Variants in DLG2 observed in about 807,000 individuals in gnomAD.
DLG2 encodes disks large homolog 2.
In DLG2, 45 loss-of-function variants were observed where a neutral mutation model predicts 132.5. The ratio of observed to expected loss-of-function variants is 0.34; its 90% confidence interval spans 0.27 to 0.44. DLG2 has a LOEUF of 0.44. Among genes scored for constraint, DLG2 ranks in the 20% least tolerant of loss-of-function variants. The pLI, the probability that DLG2 is intolerant of heterozygous loss-of-function variation, is 1.00. For missense variants in DLG2, 1,045 were observed against 1,196.9 expected, an observed-to-expected ratio of 0.87 and a Z score of 1.87; for synonymous variants, 424 against 419.6, an observed-to-expected ratio of 1.01 and a Z score of -0.13.
At chr11:85,503,436 A>G (rs1275677114) in intron 3 of DLG2, among the ~76,000 whole-genome samples, 1 of 152,024 alleles carries the variant, frequency 6.6e-6, no homozygotes, top group Non-Finnish European at 1.5e-5. Context: ...CATATAACCT[A>G]TTCACAAAGT....
At chr11:83,743,594 C>A (rs957603327) in intron 18 of DLG2, among the ~76,000 whole-genome samples, 2 of 151,842 alleles carry the variant, frequency 1.3e-5, no homozygotes, top group Non-Finnish European at 2.9e-5. Context: ...CCAACACACC[C>A]AGCTAATTTT....
intron 6 of DLG2, among the ~76,000 whole-genome samples, chr11:85,105,881 TG>T (rs1216915496): frequency 1.3e-5 from 2 of 151,634 alleles, no homozygotes; most frequent in Non-Finnish European, 2.9e-5. Flanking sequence ...ATTTTATAAC[TG>T]GGTTAGATGC....
intron 4 of DLG2, among the ~76,000 whole-genome samples, chr11:85,187,478 A>G (rs2080197240): frequency 6.6e-6 from 1 of 152,176 alleles, no homozygotes; most frequent in Admixed American, 6.6e-5. Context: ...TATAATAGAC[A>G]TGATTAAAAA....
chr11:85,369,821 T>G (rs148449018), intron 3 of DLG2, among the ~76,000 whole-genome samples: 217 of 152,314 alleles, frequency 1.4e-3, no homozygotes, highest in African/African-American at 5.0e-3. Context: ...GTGATGTCTG[T>G]ACAAGGAGCT....
intron 6 of DLG2, among the ~76,000 whole-genome samples, chr11:84,559,801 C>T (rs2099420170): frequency 6.6e-6 from 1 of 151,978 alleles, no homozygotes; most frequent in Non-Finnish European, 1.5e-5. Context: ...TAAAAGGTTT[C>T]CTAAGTTAGT....
At chr11:85,114,826 TG>T (rs2073322848) in intron 5 of DLG2, among the ~76,000 whole-genome samples, 1 of 151,622 alleles carries the variant, frequency 6.6e-6, no homozygotes, top group South Asian at 2.1e-4. Context: ...TCCAAAAACA[TG>T]GGAATATTTT....
intron 3 of DLG2, among the ~76,000 whole-genome samples, chr11:85,386,266 G>A (rs7117010): frequency 0.11 from 16,946 of 152,056 alleles, 1,126 homozygotes; most frequent in African/African-American, 0.18. Context: ...AACTTACTTA[G>A]CCCTCAGAAT....
chr11:83,718,548 A>AG (rs1404960029), intron 18 of DLG2, among the ~76,000 whole-genome samples: 27 of 151,064 alleles, frequency 1.8e-4, no homozygotes, highest in Admixed American at 6.6e-4. Flanking sequence ...AAAAAAAAAA[A>AG]AAAGAAAGAA....
intron 7 of DLG2, among the ~76,000 whole-genome samples, chr11:84,522,389 G>A (rs536171303): frequency 2.0e-5 from 3 of 152,208 alleles, no homozygotes; most frequent in Admixed American, 6.5e-5. Flanking sequence ...AGGTCAAGGT[G>A]GGAGGTGGGG....
chr11:84,850,501 G>C (rs1218777613), intron 6 of DLG2, among the ~76,000 whole-genome samples: 1 of 152,062 alleles, frequency 6.6e-6, no homozygotes, highest in Non-Finnish European at 1.5e-5. Context: ...ATAAGACAAG[G>C]GTGTTTGCTC....
chr11:84,928,187 G>C (rs117075534), intron 6 of DLG2, among the ~76,000 whole-genome samples: 101 of 152,072 alleles, frequency 6.6e-4, no homozygotes, highest in Non-Finnish European at 1.2e-3. Flanking sequence ...TGCCACTTGA[G>C]AAAGGAACTA....
intron 20 of DLG2, among the ~76,000 whole-genome samples, chr11:83,537,586 G>A (rs188633873): frequency 1.8e-4 from 27 of 151,884 alleles, no homozygotes; most frequent in Admixed American, 1.1e-3. Flanking sequence ...AGGCCGAGGC[G>A]GGCAGATCAC....
chr11:84,826,857 T>C (rs1033966734), intron 6 of DLG2, among the ~76,000 whole-genome samples: 2 of 151,966 alleles, frequency 1.3e-5, no homozygotes, highest in East Asian at 3.9e-4. Flanking sequence ...TTATTTATTT[T>C]TCTAATTACT....
At chr11:84,932,974 C>T (rs1258805378) in intron 6 of DLG2, among the ~76,000 whole-genome samples, 1 of 152,186 alleles carries the variant, frequency 6.6e-6, no homozygotes, top group Non-Finnish European at 1.5e-5. Flanking sequence ...TTTACATTCC[C>T]ACCAACAGTG....
rs551529038 is a variant in DLG2, at chr11:84,617,681, A to G, written c.358-82950T>C. 2.0e-5 allele frequency among the ~76,000 whole-genome samples: 3 copies of G among 152,128 alleles called. No individual in the cohort carries two copies. The South Asian group carries it at 6.2e-4, about 32-fold the overall frequency. On this transcript the variant is annotated intron_variant, in intron 6 of 27. Coordinates refer to ENST00000376104, the MANE Select transcript of DLG2 (RefSeq NM_001142699.3). ...TTTTTTTTATGTTTTCATTCATTCA[A>G]CAAACATTAGACTATTAGGATGGCC...
In DLG2 at chr11:84,591,994, T is replaced by C. The variant is rs115817050; in HGVS notation, c.358-57263A>G. On this transcript the variant is annotated intron_variant, in intron 6 of 27. Coordinates refer to ENST00000376104, the MANE Select transcript of DLG2 (RefSeq NM_001142699.3). ...TCAGCCTCCTGAGTAGCTGGGACCA[T>C]AGGCATGAGCCATCACGCCAGGCTG... 2.6e-3 allele frequency among the ~76,000 whole-genome samples: 394 copies of C among 152,214 alleles called. 2 individuals carry two copies. Among genetic ancestry groups the C allele is most frequent in the African/African-American group, 8.8e-3 (367 of 41,552 alleles).
intron 6 of DLG2, among the ~76,000 whole-genome samples, chr11:84,914,542 T>C (rs928488981): frequency 6.6e-6 from 1 of 152,154 alleles, no homozygotes; most frequent in African/African-American, 2.4e-5. Context: ...CATGGGAGAA[T>C]ATAGGTTATC....
At chr11:85,123,909 T>G (rs1203059093) in intron 5 of DLG2, among the ~76,000 whole-genome samples, 2 of 152,202 alleles carry the variant, frequency 1.3e-5, no homozygotes, top group African/African-American at 4.8e-5. Context: ...TATCTTTCTC[T>G]CACCAGTAAG....
At chr11:84,564,481 G>C (rs2099442393) in intron 6 of DLG2, among the ~76,000 whole-genome samples, 1 of 152,100 alleles carries the variant, frequency 6.6e-6, no homozygotes, top group Admixed American at 6.6e-5. Context: ...GCAAGGCAGG[G>C]GGGTTGCTTG....
Sources: gnomAD v4.1 joint callset for allele counts (sites outside exome capture counted in the v4.1 genomes callset) on GRCh38, gnomAD v4.1.1 for gene constraint, MANE v1.5 for transcripts, NCBI Gene and HGNC (gene_info 2026-07-23, HGNC 2026-07-21) for gene names.